The following SORCS3 variants were observed in gnomAD, a reference collection of about 807,000 sequenced individuals.
SORCS3 encodes VPS10 domain-containing receptor SorCS3.
SORCS3 carries 57 observed loss-of-function variants against 146.3 expected under a neutral mutation model. The observed-to-expected ratio is 0.39, with a 90% CI of 0.31 to 0.49. The LOEUF is 0.49. Among genes scored for constraint, SORCS3 ranks in the 20% least tolerant of loss-of-function variants. The probability of loss-of-function intolerance (pLI) is 0.92; values close to 1 mark genes in which losing one functional copy is unlikely to be tolerated. For synonymous variants in SORCS3, 653 were observed against 618.5 expected (o/e 1.06, Z -0.83); for missense variants, 1,341 against 1,575.5 (o/e 0.85, Z 2.52).
intron 18 of SORCS3, 89 bp downstream of exon 18, chr10:105,214,702 C>T: frequency 7.9e-7 from 1 of 1,265,364 alleles, no homozygotes; most frequent in Non-Finnish European, 1.1e-6. Flanking sequence ...CCCACAGACC[C>T]CTGCACCAAA....
At chr10:104,744,251 A>G (rs2016882627) in intron 1 of SORCS3, among the ~76,000 whole-genome samples, 1 of 152,170 alleles carries the variant, frequency 6.6e-6, no homozygotes. Flanking sequence ...AAGAACTGAC[A>G]ATGAATAGAC....
chr10:105,263,110 G>A (rs2056971329), intron 26 of SORCS3, among the ~76,000 whole-genome samples, 200 bp from the exon 27 acceptor site: 1 of 152,192 alleles, frequency 6.6e-6, no homozygotes, highest in Non-Finnish European at 1.5e-5. Context: ...CCCACCTGTG[G>A]GCTAGTGTGG....
chr10:105,084,757 G>A (rs1394324772), intron 5 of SORCS3, among the ~76,000 whole-genome samples: 3 of 149,100 alleles, frequency 2.0e-5, no homozygotes, highest in Non-Finnish European at 3.0e-5. Flanking sequence ...TTGAGATGGA[G>A]TCTCGCTCTG....
In SORCS3 at chr10:105,230,240, C is replaced by T. The variant is rs555014160; in HGVS notation, c.2868+6991C>T. ...GCAGAGCCAGGCTAAGAAGTCCTAC[C>T]CTCAGGCTCCCTGGTGTTGTGTGCA... On this transcript the variant is annotated intron_variant, in intron 20 of 26. Transcript: ENST00000369701. Among the ~76,000 whole-genome samples the T allele has an allele frequency of 9.9e-5, 15 of 152,052 alleles. No homozygotes were observed. The South Asian group carries it at 2.7e-3, about 27-fold the overall frequency.
intron 2 of SORCS3, among the ~76,000 whole-genome samples, chr10:104,854,862 G>A (rs764880597): frequency 1.3e-5 from 2 of 152,036 alleles, no homozygotes; most frequent in Non-Finnish European, 2.9e-5. Context: ...ATAATCCCCT[G>A]GAGATTCATG....
intron 2 of SORCS3, among the ~76,000 whole-genome samples, chr10:104,852,156 T>A (rs1455839442): frequency 6.6e-6 from 1 of 152,356 alleles, no homozygotes; most frequent in East Asian, 1.9e-4. Flanking sequence ...TCCACATGAA[T>A]ACGGGACAGT....
intron 3 of SORCS3, among the ~76,000 whole-genome samples, chr10:104,965,409 G>A (rs1211010239): frequency 6.6e-6 from 1 of 152,148 alleles, no homozygotes; most frequent in Non-Finnish European, 1.5e-5. Flanking sequence ...GACACAGCTG[G>A]ACACTTTCAC....
intron 1 of SORCS3, among the ~76,000 whole-genome samples, chr10:104,771,278 G>A (rs751276196): frequency 3.3e-5 from 5 of 152,226 alleles, no homozygotes; most frequent in Non-Finnish European, 5.9e-5. Flanking sequence ...TGTTGTGTCA[G>A]ATGCTCTCTT....
At chr10:104,920,611 C>T (rs1471533294) in intron 3 of SORCS3, among the ~76,000 whole-genome samples, 3 of 152,180 alleles carry the variant, frequency 2.0e-5, no homozygotes, top group Non-Finnish European at 4.4e-5. Context: ...GGTAGATCTA[C>T]AGCAGCTTTC....
chr10:105,009,444 A>G (rs2055117318), intron 4 of SORCS3, among the ~76,000 whole-genome samples: 1 of 151,360 alleles, frequency 6.6e-6, no homozygotes, highest in Admixed American at 6.6e-5. Flanking sequence ...GGTATTCAGG[A>G]GATACAATTT....
At chr10:105,007,541 G>A (rs1317430347) in intron 4 of SORCS3, among the ~76,000 whole-genome samples, 2 of 152,122 alleles carry the variant, frequency 1.3e-5, no homozygotes, top group Non-Finnish European at 2.9e-5. Flanking sequence ...GAATGTGTGA[G>A]TGTGAGTTTG....
chr10:105,068,296 C>T (rs1190912293), intron 5 of SORCS3, among the ~76,000 whole-genome samples: 1 of 152,186 alleles, frequency 6.6e-6, no homozygotes, highest in Non-Finnish European at 1.5e-5. Flanking sequence ...TCAAATAACT[C>T]CAGACTGCCT....
chr10:104,908,454 A>G (rs2018931742), intron 2 of SORCS3, among the ~76,000 whole-genome samples: 1 of 152,230 alleles, frequency 6.6e-6, no homozygotes, highest in Admixed American at 6.5e-5. Flanking sequence ...GGCTTTTAGC[A>G]GATGCTAAGC....
At chr10:104,993,893 A>T (rs1180674279) in intron 4 of SORCS3, among the ~76,000 whole-genome samples, 1 of 152,314 alleles carries the variant, frequency 6.6e-6, no homozygotes, top group East Asian at 1.9e-4. Flanking sequence ...TTTCCTCCAA[A>T]GTAGCTTACT....
chr10:104,864,349 C>T (rs1363727314), intron 2 of SORCS3, among the ~76,000 whole-genome samples: 1 of 152,112 alleles, frequency 6.6e-6, no homozygotes, highest in Non-Finnish European at 1.5e-5. Context: ...GCATGACCTC[C>T]CTGGGGTGAC....
intron 1 of SORCS3, among the ~76,000 whole-genome samples, chr10:104,653,185 A>G (rs1016656701): frequency 5.9e-5 from 9 of 152,182 alleles, no homozygotes; most frequent in Non-Finnish European, 1.2e-4. Flanking sequence ...AATTGTTCAG[A>G]ATTCTGCCAT....
chr10:105,025,837 AACACAC>A (rs57597161), intron 4 of SORCS3, among the ~76,000 whole-genome samples: 1,728 of 135,498 alleles, frequency 0.013, 20 homozygotes, highest in African/African-American at 0.03. Context: ...TGTCTTCTCA[AACACAC>A]ACACACACAC....
intron 9 of SORCS3, among the ~76,000 whole-genome samples, chr10:105,154,545 C>G (rs2056192337): frequency 6.6e-6 from 1 of 152,220 alleles, no homozygotes; most frequent in Admixed American, 6.5e-5. Flanking sequence ...TGTTACCCTT[C>G]TCCCTGGACT....
chr10:105,044,824 G>A (rs981704404), intron 5 of SORCS3, among the ~76,000 whole-genome samples: 14 of 151,720 alleles, frequency 9.2e-5, no homozygotes, highest in African/African-American at 3.2e-4. Flanking sequence ...CCCCTTACAG[G>A]CCTACTATTA....
Sources: gnomAD v4.1 joint callset for allele counts (sites outside exome capture counted in the v4.1 genomes callset) on GRCh38, gnomAD v4.1.1 for gene constraint, MANE v1.5 for transcripts, NCBI Gene and HGNC (gene_info 2026-07-23, HGNC 2026-07-21) for gene names.